ANKRD46: variants seen among roughly 807,000 people sequenced by gnomAD.
ANKRD46 encodes the protein ankyrin repeat domain-containing protein 46.
ANKRD46 carries 13 observed loss-of-function variants against 19.8 expected under a neutral mutation model. The observed-to-expected ratio is 0.66, with a 90% confidence interval of 0.43 to 1.04. ANKRD46 has a LOEUF of 1.04. ANKRD46 is among the 50% of genes least tolerant of loss of function. The pLI is 0.00. For synonymous variants in ANKRD46, 91 were observed against 106.9 expected, an observed-to-expected ratio of 0.85 and a Z score of 0.92; for missense variants, 185 against 274.8, an observed-to-expected ratio of 0.67 and a Z score of 2.31.
rs910620520 is a variant in ANKRD46 at position 100,537,555 on chromosome 8, T to C, written c.-130-4244A>G. Among the ~76,000 whole-genome samples, 2 of 152,204 alleles carry C rather than the reference T, an allele frequency of 1.3e-5. No individual in the cohort carries two copies. The highest frequency in any genetic ancestry group is 1.3e-4 in the Admixed American group (2 of 15,276). ...AAGAGGATACAGCTGTTTCAAAATA[T>C]AATCTCAGAGAACTATAAAACAAAA... On this transcript the variant is annotated intron_variant, in intron 1 of 4. Coordinates refer to ENST00000335659, the MANE Select transcript of ANKRD46 (RefSeq NM_001270377.2). This position sits in a 1 kb window ranked among gnomAD's most constrained non-coding sequence, Gnocchi z 4.2.
intron 5 of ANKRD46, among the ~76,000 whole-genome samples, chr8:100,512,652 C>G (rs1212012549): frequency 2.0e-5 from 3 of 152,192 alleles, no homozygotes; most frequent in African/African-American, 7.2e-5. Context: ...AAAAAAATCT[C>G]AACCAGAAAG....
At chr8:100,549,804 C>A (rs1394083402) in intron 1 of ANKRD46, among the ~76,000 whole-genome samples, 1 of 152,190 alleles carries the variant, frequency 6.6e-6, no homozygotes, top group Non-Finnish European at 1.5e-5. Flanking sequence ...TAGCATCAGG[C>A]AGATTAGGTT....
At chr8:100,526,661 G>A (rs890927598) in intron 4 of ANKRD46, among the ~76,000 whole-genome samples, 4 of 152,152 alleles carry the variant, frequency 2.6e-5, no homozygotes, top group Non-Finnish European at 5.9e-5. Context: ...GTGCTTGAAA[G>A]TATCTGAACA....
rs537429261 is a variant in ANKRD46, at chr8:100,544,339, G to A, written c.-130-11028C>T. Among the ~76,000 whole-genome samples the A allele has an allele frequency of 6.6e-6, 1 of 152,150 alleles. No homozygotes were observed. Among genetic ancestry groups the A allele is most frequent in the African/African-American group, 2.4e-5 (1 of 41,436 alleles). ...GACAAAGAACATAAGCCTAAAGTTG[G>A]GGAGGGGCCTAGCAATTGGAGAAAA... On this transcript the variant is annotated intron_variant, in intron 1 of 4. Transcript: ENST00000335659. This position sits in a 1 kb window ranked among gnomAD's most constrained non-coding sequence, Gnocchi z 4.4.
In ANKRD46 at chr8:100,521,229, C is replaced by T. The variant is rs1180990913; in HGVS notation, c.*1326G>A. ...AAAAAGAATCACAGAAATACCAATT[C>T]TATTCTAAAGCATAATTTCTAATTC... On this transcript the variant is annotated 3_prime_UTR_variant, in exon 5 of 5. Coordinates refer to ENST00000335659, the MANE Select transcript of ANKRD46 (RefSeq NM_001270377.2). The T allele has an allele frequency of 4.1e-6, 4 of 985,202 alleles. No homozygotes were observed. The East Asian group carries it at 4.5e-4, about 112-fold the overall frequency. 61.0% of individuals were successfully genotyped at this position (985,202 alleles called of 1,614,324 possible).
exon 6 of ANKRD46, chr8:100,509,877 A>G (rs1811523248): frequency 6.6e-6 from 1 of 152,336 alleles, no homozygotes; most frequent in South Asian, 2.1e-4. Flanking sequence ...CAGGGAAAAC[A>G]CATCCCCTGC....
chr8:100,532,290 G>C lies in ANKRD46; in HGVS notation c.-28+919C>G, dbSNP rs963713717. The C allele has an allele frequency of 6.6e-6, 1 of 152,152 alleles. No individual in the cohort carries two copies. The highest frequency in any genetic ancestry group is 1.5e-5 in the Non-Finnish European group (1 of 68,042). 9.4% of individuals were successfully genotyped at this position (152,152 alleles called of 1,614,324 possible). A position where few individuals can be genotyped will look rare whatever the true frequency, so the allele number is the denominator to read the frequency against. ...GAAACTAGCCTGGGCAACATAGCGA[G>C]AGACCCTGTCTCTATAAAATATTTT... On this transcript the variant is annotated intron_variant, in intron 2 of 4. Coordinates refer to ENST00000335659, the MANE Select transcript of ANKRD46 (RefSeq NM_001270377.2). This position sits in a 1 kb window ranked among gnomAD's most constrained non-coding sequence, Gnocchi z 4.7.
At position 100,545,078 on chromosome 8, in the gene ANKRD46, A is replaced by G. The variant is rs1812245685; in HGVS notation, c.-130-11767T>C. Among the ~76,000 whole-genome samples, 1 of 152,148 alleles carries G rather than the reference A, an allele frequency of 6.6e-6. No homozygotes were observed. Among genetic ancestry groups the G allele is most frequent in the South Asian group, 2.1e-4 (1 of 4,828 alleles). ...GCTGACTCATGCCTGAAATCCCAGCACTTTTGGAGGCAGAGGTGGGAGAAT... is the reference window on the plus strand; with the variant it reads ...GCTGACTCATGCCTGAAATCCCAGCGCTTTTGGAGGCAGAGGTGGGAGAAT... On this transcript the variant is annotated intron_variant, in intron 1 of 4. Transcript: ENST00000335659. This position sits in a 1 kb window ranked among gnomAD's most constrained non-coding sequence, Gnocchi z 4.7.
chr8:100,530,743 G>C (rs1221536084), intron 2 of ANKRD46, among the ~76,000 whole-genome samples: 1 of 152,176 alleles, frequency 6.6e-6, no homozygotes, highest in Non-Finnish European at 1.5e-5. Context: ...TTAAAAATCA[G>C]AGCATGAAAT....
At chr8:100,540,997 C>G (rs1812164529) in intron 1 of ANKRD46, among the ~76,000 whole-genome samples, 2 of 149,566 alleles carry the variant, frequency 1.3e-5, no homozygotes, top group South Asian at 2.2e-4. Flanking sequence ...CCTGCATAGG[C>G]TTCAAGTTCA....
At position 100,524,853 on chromosome 8, in the gene ANKRD46, C is replaced by T. The variant is rs1406396831; in HGVS notation, c.471-2082G>A. Among the ~76,000 whole-genome samples the T allele has an allele frequency of 1.3e-5, 2 of 152,150 alleles. No homozygotes were observed. Among genetic ancestry groups the T allele is most frequent in the Non-Finnish European group, 2.9e-5 (2 of 68,028 alleles). ...TATCCAATGAAATGCTTTCTACTGT[C>T]CAGGGAATATCTGATTCTAACATAA... On this transcript the variant is annotated intron_variant, in intron 4 of 4. Coordinates refer to ENST00000335659, the MANE Select transcript of ANKRD46 (RefSeq NM_001270377.2). This position sits in a 1 kb window ranked among gnomAD's most constrained non-coding sequence, Gnocchi z 4.3.
At position 100,557,730 on chromosome 8, in the gene ANKRD46, G is replaced by T. The variant is rs1188315855; in HGVS notation, c.-131+1981C>A. 6.6e-6 allele frequency among the ~76,000 whole-genome samples: 1 copy of T among 152,176 alleles called. No homozygotes were observed. The highest frequency in any genetic ancestry group is 1.9e-4 in the East Asian group (1 of 5,198). Reference sequence around the variant, plus strand: ...TTGCTGTCCCTCTAACAAGACTGAAGGGTTCTGGGCTTTTGCCCTTGCTTG... The same window carrying T: ...TTGCTGTCCCTCTAACAAGACTGAATGGTTCTGGGCTTTTGCCCTTGCTTG... On this transcript the variant is annotated intron_variant, in intron 1 of 4. Coordinates refer to ENST00000335659, the MANE Select transcript of ANKRD46 (RefSeq NM_001270377.2). The surrounding 1 kb of genome is among the most constrained non-coding windows in gnomAD (Gnocchi z 5.9).
rs16898572 is a variant in ANKRD46, at chr8:100,552,482, T to A, written c.-131+7229A>T. 7.6e-3 allele frequency among the ~76,000 whole-genome samples: 1,155 copies of A among 152,274 alleles called. 17 individuals carry two copies. The highest frequency in any genetic ancestry group is 0.026 in the African/African-American group (1,071 of 41,558). On this transcript the variant is annotated intron_variant, in intron 1 of 4. Coordinates refer to ENST00000335659, the MANE Select transcript of ANKRD46 (RefSeq NM_001270377.2). ...TATGTGTTTTTAATTTCCTCAGATG[T>A]CCCCTGTCTACCTAGACTCCATTCC...
In ANKRD46 at chr8:100,544,791, A is replaced by AT. The variant is rs1333387040; in HGVS notation, c.-130-11481dup. Among the ~76,000 whole-genome samples, 2 of 152,158 alleles carry AT rather than the reference A, an allele frequency of 1.3e-5. No homozygotes were observed. Among genetic ancestry groups the AT allele is most frequent in the African/African-American group, 2.4e-5 (1 of 41,444 alleles). On this transcript the variant is annotated intron_variant, in intron 1 of 4. Coordinates refer to ENST00000335659, the MANE Select transcript of ANKRD46 (RefSeq NM_001270377.2). This position sits in a 1 kb window ranked among gnomAD's most constrained non-coding sequence, Gnocchi z 4.4. ...AATATACAAATATAAGATGCTATAT[A>AT]TTTTTTCTTAGTTTCTTATTCCACA...
At position 100,534,859 on chromosome 8, in the gene ANKRD46, C is replaced by T. The variant is rs1001595376; in HGVS notation, c.-130-1548G>A. ...ATCTCGACTCACCTGCAGAGGCCTC[C>T]GCGTTCAAGCAATTATCCTGCCTCA... On this transcript the variant is annotated intron_variant, in intron 1 of 4. Transcript: ENST00000335659. The surrounding 1 kb of genome is among the most constrained non-coding windows in gnomAD (Gnocchi z 4.2). Among the ~76,000 whole-genome samples, 8 of 152,122 alleles carry T rather than the reference C, an allele frequency of 5.3e-5. No homozygotes were observed. The highest frequency in any genetic ancestry group is 2.4e-5 in the African/African-American group (1 of 41,426).
chr8:100,529,627 G>A lies in ANKRD46; in HGVS notation c.207C>T (p.Ala69=), dbSNP rs774878476. The change falls in exon 3 of 5, where the codon GCC becomes GCT. Residue 69 remains alanine (A), a synonymous_variant. Coordinates refer to ENST00000335659, the MANE Select transcript of ANKRD46 (RefSeq NM_001270377.2). The surrounding 1 kb of genome is among the most constrained non-coding windows in gnomAD (Gnocchi z 5.8). The stretch of plus-strand genomic sequence containing the variant: ...CTTGATAATCTGTGGCCAGAAGATC[G>A]GCACCGAATTTATGCAGTAACTGGC... ...DICQLLHKFG[A]DLLATDYQGN... The A allele has an allele frequency of 1.1e-5, 17 of 1,614,100 alleles. No individual in the cohort carries two copies. Among genetic ancestry groups the A allele is most frequent in the African/African-American group, 5.3e-5 (4 of 74,930 alleles).
rs779832755 is a variant in ANKRD46 at position 100,522,492 on chromosome 8, C to A, written c.*63G>T. On this transcript the variant is annotated 3_prime_UTR_variant, in exon 5 of 5. Coordinates refer to ENST00000335659, the MANE Select transcript of ANKRD46 (RefSeq NM_001270377.2). The stretch of plus-strand genomic sequence containing the variant: ...TTGCGCTAAGAAAAATTCTGAGAAA[C>A]TGAGAACAAACATTGGAAGCCAGGA... The A allele has an allele frequency of 2.5e-6, 4 of 1,587,200 alleles. No homozygotes were observed. Among genetic ancestry groups the A allele is most frequent in the Non-Finnish European group, 3.4e-6 (4 of 1,165,968 alleles).
rs1049234537 is a variant in ANKRD46, at chr8:100,511,481, A to C, written c.637-842T>G. Among the ~76,000 whole-genome samples, 3 of 151,998 alleles carry C rather than the reference A, an allele frequency of 2.0e-5. No homozygotes were observed. The highest frequency in any genetic ancestry group is 4.4e-5 in the Non-Finnish European group (3 of 67,996). ...GTGTGTCCTGTGGTGTACTGAGGGT[A>C]GGCATGTCATCTCATCCTTTCACAT... On this transcript the variant is annotated intron_variant, in intron 5 of 5. Coordinates refer to the ANKRD46 transcript ENST00000520552. This position sits in a 1 kb window ranked among gnomAD's most constrained non-coding sequence, Gnocchi z 4.1.
chr8:100,529,747 C>T lies in ANKRD46; in HGVS notation c.87G>A (p.Lys29=), dbSNP rs1811918927. The change falls in exon 3 of 5, where the codon AAG becomes AAA. Residue 29 remains lysine, a synonymous_variant. Coordinates refer to ENST00000335659, the MANE Select transcript of ANKRD46 (RefSeq NM_001270377.2). This position sits in a 1 kb window ranked among gnomAD's most constrained non-coding sequence, Gnocchi z 5.8. ...GGTCAAAGCCACTTTCCAAAAGCCG[C>T]TTGGAATAATTAAAGTCCCCATCAA... ...ACIDGDFNYS[K]RLLESGFDPN... The T allele has an allele frequency of 6.2e-7, 1 of 1,614,248 alleles. No individual in the cohort carries two copies.
Sources: allele counts gnomAD v4.1 joint callset (sites outside exome capture counted in the v4.1 genomes callset), GRCh38; gene constraint gnomAD v4.1.1; non-coding constraint Gnocchi (gnomAD v3.1); transcripts MANE v1.5; gene names NCBI Gene and HGNC (gene_info 2026-07-23, HGNC 2026-07-21).